PTPRD: variants seen among roughly 807,000 people sequenced by gnomAD.
PTPRD encodes the protein receptor-type tyrosine-protein phosphatase delta.
In PTPRD, 34 loss-of-function variants were observed where a neutral mutation model predicts 214.5. That is an observed-to-expected ratio of 0.16 (90% CI 0.12 to 0.21). PTPRD has a LOEUF of 0.21. Among genes scored for constraint, PTPRD ranks in the 10% least tolerant of loss-of-function variants. The pLI, the probability that PTPRD is intolerant of heterozygous loss-of-function variation, is 1.00. For synonymous variants in PTPRD, 1,128 were observed against 845.7 expected, an observed-to-expected ratio of 1.33 and a Z score of -5.79; for missense variants, 2,545 against 2,398.7, an observed-to-expected ratio of 1.06 and a Z score of -1.27.
intron 3 of PTPRD, among the ~76,000 whole-genome samples, chr9:10,220,113 A>G (rs148157014): frequency 0.016 from 2,432 of 152,026 alleles, 63 homozygotes; most frequent in African/African-American, 0.055. Context: ...ATCTCAATTT[A>G]CATAAAAAGA....
intron 3 of PTPRD, among the ~76,000 whole-genome samples, chr9:10,183,704 G>A (rs1593405781): frequency 6.6e-6 from 1 of 151,868 alleles, no homozygotes; most frequent in Non-Finnish European, 1.5e-5. Flanking sequence ...TAAGTGAAGG[G>A]GACAAAGAGA....
At chr9:9,491,100 G>GA (rs1029596329) in intron 8 of PTPRD, among the ~76,000 whole-genome samples, 3 of 151,642 alleles carry the variant, frequency 2.0e-5, no homozygotes, top group African/African-American at 4.8e-5. Flanking sequence ...TTAAAGGATG[G>GA]AAAAAAACAT....
chr9:9,282,089 C>A (rs1947907779), intron 9 of PTPRD, among the ~76,000 whole-genome samples: 1 of 147,632 alleles, frequency 6.8e-6, no homozygotes, highest in South Asian at 2.1e-4. Context: ...TCAATAGTTA[C>A]CCAGAGTAAG....
At chr9:8,892,298 G>A (rs2098546486) in intron 11 of PTPRD, among the ~76,000 whole-genome samples, 1 of 152,112 alleles carries the variant, frequency 6.6e-6, no homozygotes, top group Non-Finnish European at 1.5e-5. Context: ...GATATGGGGA[G>A]TCAGTGCAGG....
At chr9:8,438,857 A>C (rs920603472) in intron 34 of PTPRD, 4 of 152,170 alleles carry the variant, frequency 2.6e-5, no homozygotes, top group African/African-American at 9.7e-5. Flanking sequence ...CGGGAAAAGT[A>C]TTAGTATAAC....
intron 4 of PTPRD, among the ~76,000 whole-genome samples, chr9:9,959,621 T>C (rs778897317): frequency 4.6e-5 from 7 of 152,172 alleles, no homozygotes; most frequent in Non-Finnish European, 8.8e-5. Flanking sequence ...CTGACCTAAA[T>C]AACTTTGAAA....
chr9:8,672,446 A>C (rs1287791111), intron 12 of PTPRD, among the ~76,000 whole-genome samples: 1 of 152,186 alleles, frequency 6.6e-6, no homozygotes, highest in Non-Finnish European at 1.5e-5. Context: ...ACTTTGTCTA[A>C]ATGTAATCTT....
intron 2 of PTPRD, among the ~76,000 whole-genome samples, chr9:10,556,869 C>A (rs538706211): frequency 6.6e-6 from 1 of 151,976 alleles, no homozygotes; most frequent in African/African-American, 2.4e-5. Context: ...CTATCCAATA[C>A]AATCAAGAGT....
At chr9:9,089,735 G>A (rs993081974) in intron 10 of PTPRD, among the ~76,000 whole-genome samples, 1 of 152,044 alleles carries the variant, frequency 6.6e-6, no homozygotes, top group African/African-American at 2.4e-5. Context: ...GGTGTAGAAG[G>A]GTAATGTCAA....
At chr9:9,212,449 C>T (rs1055755851) in intron 9 of PTPRD, among the ~76,000 whole-genome samples, 16 of 152,170 alleles carry the variant, frequency 1.1e-4, no homozygotes, top group African/African-American at 3.6e-4. Context: ...TTTAGTCAGT[C>T]TGTTTATAAC....
intron 4 of PTPRD, among the ~76,000 whole-genome samples, chr9:9,978,798 G>A (rs78885951): frequency 0.014 from 2,139 of 151,934 alleles, 28 homozygotes; most frequent in South Asian, 0.045. Flanking sequence ...AACACAGATC[G>A]AAGAGTACAG....
intron 8 of PTPRD, among the ~76,000 whole-genome samples, chr9:9,419,960 T>A (rs1032819490): frequency 6.6e-6 from 1 of 151,712 alleles, no homozygotes; most frequent in African/African-American, 2.4e-5. Context: ...AGCACCGACG[T>A]AAGACTTTCA....
chr9:8,704,566 G>C (rs2154398152), intron 12 of PTPRD, among the ~76,000 whole-genome samples: 1 of 152,110 alleles, frequency 6.6e-6, no homozygotes, highest in East Asian at 1.9e-4. Context: ...GGTTAAGTGA[G>C]GTGATGTGTA....
At chr9:8,359,755 A>C (rs1401017918) in intron 39 of PTPRD, among the ~76,000 whole-genome samples, 1 of 152,206 alleles carries the variant, frequency 6.6e-6, no homozygotes, top group Non-Finnish European at 1.5e-5. Context: ...AGACTAAAAT[A>C]AAATCTCTGT....
chr9:9,266,578 G>C (rs1939820516), intron 9 of PTPRD, among the ~76,000 whole-genome samples: 1 of 149,922 alleles, frequency 6.7e-6, no homozygotes, highest in African/African-American at 2.4e-5. Context: ...TATGAAACTA[G>C]GTATCAATAA....
At chr9:10,033,411 A>G (rs138590314) in intron 4 of PTPRD, among the ~76,000 whole-genome samples, 1 of 151,878 alleles carries the variant, frequency 6.6e-6, no homozygotes, top group Non-Finnish European at 1.5e-5. Flanking sequence ...AGGTGTCAAT[A>G]TATATAATAT....
In PTPRD at chr9:9,834,903, A is replaced by C. The variant is rs546890377; in HGVS notation, c.-367-68052T>G. Among the ~76,000 whole-genome samples, 3 of 152,126 alleles carry C rather than the reference A, an allele frequency of 2.0e-5. No homozygotes were observed. The East Asian group carries it at 5.8e-4, about 29-fold the overall frequency. ...AGCAAAAACTGTGTCCTCTGGTCAAAGTAAATAAATATTAACCTAACAGGT... is the reference window on the plus strand; with the variant it reads ...AGCAAAAACTGTGTCCTCTGGTCAACGTAAATAAATATTAACCTAACAGGT... On this transcript the variant is annotated intron_variant, in intron 5 of 45. Coordinates refer to ENST00000381196, the MANE Select transcript of PTPRD (RefSeq NM_002839.4).
chr9:8,581,778 G>A (rs373390775), intron 14 of PTPRD, among the ~76,000 whole-genome samples: 1 of 146,280 alleles, frequency 6.8e-6, no homozygotes, highest in Non-Finnish European at 1.5e-5. Context: ...GGGAAGGGAA[G>A]GGAAGGGGAG....
At chr9:8,343,782 G>C (rs1854837367) in intron 39 of PTPRD, among the ~76,000 whole-genome samples, 1 of 152,024 alleles carries the variant, frequency 6.6e-6, no homozygotes, top group East Asian at 1.9e-4. Flanking sequence ...CATGCAGTAA[G>C]TGCTCAACAG....
Sources: gnomAD v4.1 joint callset for allele counts (sites outside exome capture counted in the v4.1 genomes callset) on GRCh38, gnomAD v4.1.1 for gene constraint, MANE v1.5 for transcripts, NCBI Gene and HGNC (gene_info 2026-07-23, HGNC 2026-07-21) for gene names.